The following ZFHX3 variants were observed in gnomAD, a reference collection of about 807,000 sequenced individuals.
ZFHX3 encodes zinc finger homeobox 3, also known as zinc finger homeobox protein 3.
ZFHX3 carries 42 observed loss-of-function variants against 279.1 expected under a neutral mutation model. The ratio of observed to expected loss-of-function variants is 0.15; its 90% confidence interval spans 0.12 to 0.19. The LOEUF (loss-of-function observed/expected upper bound fraction) is 0.19. Ranked by LOEUF, ZFHX3 falls within the 10% of genes least tolerant of loss-of-function variation. The pLI, the probability that ZFHX3 is intolerant of heterozygous loss-of-function variation, is 1.00. For synonymous variants in ZFHX3, 2,293 were observed against 1,957.8 expected (o/e 1.17, Z -4.52); for missense variants, 4,981 against 4,754.0 (o/e 1.05, Z -1.40).
chr16:73,046,959 A>C (rs1965322670), intron 1 of ZFHX3, among the ~76,000 whole-genome samples: 1 of 152,170 alleles, frequency 6.6e-6, no homozygotes, highest in South Asian at 2.1e-4. Context: ...AAGCCAGTTT[A>C]ACACAGGAGG....
In ZFHX3 at chr16:73,213,981, GT is replaced by G. The variant is rs199570845; in HGVS notation, c.-1104+43065del. ...ACATATTTACCAAGATTTCACAACT[GT>G]TTAATAGATACGTATCTTATTACAT... On this transcript the variant is annotated intron_variant, in intron 5 of 17. Transcript: ENST00000641206. Among the ~76,000 whole-genome samples the G allele has an allele frequency of 6.4e-3, 968 of 152,262 alleles. 11 individuals carry two copies. Among genetic ancestry groups the G allele is most frequent in the African/African-American group, 0.022 (926 of 41,540 alleles).
At chr16:73,245,253 TC>T in intron 5 of ZFHX3, among the ~76,000 whole-genome samples, 1 of 152,334 alleles carries the variant, frequency 6.6e-6, no homozygotes, top group South Asian at 2.1e-4. Context: ...CATCTTCACA[TC>T]CCCACTTTTC....
chr16:73,577,730 T>C (rs1329071778), intron 2 of ZFHX3, among the ~76,000 whole-genome samples: 1 of 152,216 alleles, frequency 6.6e-6, no homozygotes, highest in African/African-American at 2.4e-5. Flanking sequence ...AAAATCTAAA[T>C]TTTTTGGAAG....
chr16:73,363,775 T>C (rs2016476914), intron 3 of ZFHX3, among the ~76,000 whole-genome samples: 1 of 152,148 alleles, frequency 6.6e-6, no homozygotes. Context: ...ACCCCCAGGA[T>C]ACAACAGATA....
At chr16:73,346,149 G>A (rs576890623) in intron 3 of ZFHX3, among the ~76,000 whole-genome samples, 129 of 152,146 alleles carry the variant, frequency 8.5e-4, no homozygotes, top group Middle Eastern at 3.4e-3. Context: ...CAGTCAAATC[G>A]TCCCCAACTC....
chr16:73,457,496 G>C (rs1029942920), intron 2 of ZFHX3, among the ~76,000 whole-genome samples: 1 of 152,294 alleles, frequency 6.6e-6, no homozygotes, highest in Middle Eastern at 3.4e-3. Flanking sequence ...GAGTCGGCCG[G>C]GCACGCTGGC....
intron 1 of ZFHX3, among the ~76,000 whole-genome samples, chr16:73,022,022 G>A (rs972476790): frequency 4.3e-4 from 66 of 152,064 alleles, no homozygotes; most frequent in African/African-American, 1.5e-3. Flanking sequence ...TGTGTCCACC[G>A]AACCTGCCAA....
At chr16:73,802,330 A>G (rs890044340) in intron 1 of ZFHX3, among the ~76,000 whole-genome samples, 5 of 152,236 alleles carry the variant, frequency 3.3e-5, no homozygotes, top group Non-Finnish European at 5.9e-5. Context: ...GGGAGGGGCC[A>G]GTGAGCCCCA....
chr16:73,845,196 G>A (rs906394249), intron 1 of ZFHX3, among the ~76,000 whole-genome samples: 6 of 152,190 alleles, frequency 3.9e-5, no homozygotes, highest in East Asian at 1.9e-4. Context: ...AAGTGCGTTC[G>A]TGGAGGACCT....
intron 1 of ZFHX3, among the ~76,000 whole-genome samples, chr16:73,706,450 C>CGA (rs1402740690): frequency 1.1e-5 from 1 of 94,812 alleles, no homozygotes; most frequent in African/African-American, 3.9e-5. Context: ...GAGCGAAACT[C>CGA]TATCTCAAAA....
At chr16:72,790,971 G>C (rs768164258) in intron 9 of ZFHX3, 1 of 152,026 alleles carries the variant, frequency 6.6e-6, no homozygotes, top group Non-Finnish European at 1.5e-5. Context: ...TATTTACCAA[G>C]CCTTGCACTA....
intron 2 of ZFHX3, among the ~76,000 whole-genome samples, chr16:73,604,246 G>GT (rs926928922): frequency 4.0e-5 from 6 of 151,706 alleles, no homozygotes; most frequent in Non-Finnish European, 7.4e-5. Context: ...GCTTTAAATA[G>GT]TTTTTTTTCC....
At chr16:73,071,746 A>AT (rs774911800) in intron 8 of ZFHX3, among the ~76,000 whole-genome samples, 8 of 152,362 alleles carry the variant, frequency 5.3e-5, no homozygotes, top group Non-Finnish European at 8.8e-5. Flanking sequence ...TTTAGAGGAA[A>AT]TGTTTAATAA....
chr16:73,719,756 C>T (rs928314745), intron 1 of ZFHX3, among the ~76,000 whole-genome samples: 1 of 151,314 alleles, frequency 6.6e-6, no homozygotes, highest in African/African-American at 2.4e-5. Context: ...GCCTCAGCCT[C>T]CTGAGTAGCT....
chr16:72,794,542 G>T lies in ZFHX3; in HGVS notation c.8140C>A (p.Pro2714Thr). Reference sequence around the variant, plus strand: ...GCTTTGAAGAGCGCTCTGCAAAAAGGGCATCTCCTGTGGGCCTGCGCTGGG... The same window carrying T: ...GCTTTGAAGAGCGCTCTGCAAAAAGTGCATCTCCTGTGGGCCTGCGCTGGG... The part of the protein sequence containing the change: ...VGPAQAHRRC[P>T]FCRALFKAKT... Residue 2714 changes from proline (P) to threonine (T), a missense_variant, in exon 9 of 10, where the codon CCT becomes ACT. Physicochemically the swap from Pro to Thr is conservative, Grantham distance 38. This residue lies in a region of ZFHX3 where 744 missense variants were observed against 701.3 expected (regional missense o/e 1.06). Transcript: ENST00000268489. This position sits in a 1 kb window ranked among gnomAD's most constrained non-coding sequence, Gnocchi z 4.2. 1 of 1,614,200 alleles carries T rather than the reference G, an allele frequency of 6.2e-7. No individual in the cohort carries two copies. The highest frequency in any genetic ancestry group is 1.1e-5 in the South Asian group (1 of 91,086).
At chr16:73,053,013 G>A (rs1259048768), upstream of ZFHX3, among the ~76,000 whole-genome samples, 1 of 152,130 alleles carries the variant, frequency 6.6e-6, no homozygotes, top group Non-Finnish European at 1.5e-5. Context: ...CTTGGAAAGC[G>A]GCTCAGGGAA....
intron 8 of ZFHX3, among the ~76,000 whole-genome samples, chr16:73,091,810 A>G (rs1966086312): frequency 6.6e-6 from 1 of 152,198 alleles, no homozygotes; most frequent in African/African-American, 2.4e-5. Context: ...GAAAACCCTG[A>G]GAATATCTAT....
intron 4 of ZFHX3, among the ~76,000 whole-genome samples, chr16:73,308,236 T>A (rs1402411827): frequency 1.5e-4 from 1 of 6,886 alleles, no homozygotes. Flanking sequence ...TATATATATA[T>A]ATATATATAT....
At chr16:73,531,280 G>A (rs1023045983) in intron 2 of ZFHX3, among the ~76,000 whole-genome samples, 1 of 152,118 alleles carries the variant, frequency 6.6e-6, no homozygotes, top group East Asian at 1.9e-4. Context: ...AACCTTTCAG[G>A]TCAACGTCTT....
Sources: allele counts gnomAD v4.1 joint callset (sites outside exome capture counted in the v4.1 genomes callset), GRCh38; gene constraint gnomAD v4.1.1; regional missense constraint gnomAD v4.1.1; non-coding constraint Gnocchi (gnomAD v3.1); transcripts MANE v1.5; gene names NCBI Gene and HGNC (gene_info 2026-07-23, HGNC 2026-07-21).